Variants in PHACTR1 observed in about 807,000 individuals in gnomAD.
PHACTR1 encodes the protein phosphatase and actin regulator 1.
In PHACTR1, 16 loss-of-function variants were observed where a neutral mutation model predicts 69.2. The ratio of observed to expected loss-of-function variants is 0.23; its 90% confidence interval spans 0.16 to 0.35. The LOEUF (loss-of-function observed/expected upper bound fraction) is 0.35. Among genes scored for constraint, PHACTR1 ranks in the 10% least tolerant of loss-of-function variants. PHACTR1 has a pLI of 1.00. For missense variants in PHACTR1, 510 were observed against 734.7 expected, an observed-to-expected ratio of 0.69 and a Z score of 3.54; for synonymous variants, 312 against 284.5, an observed-to-expected ratio of 1.10 and a Z score of -0.97.
chr6:13,213,573 G>C (rs1048795674), intron 8 of PHACTR1, among the ~76,000 whole-genome samples: 3 of 152,160 alleles, frequency 2.0e-5, no homozygotes, highest in African/African-American at 4.8e-5. Context: ...CAAAATTCAG[G>C]AGTTGAAACT....
intron 4 of PHACTR1, chr6:12,933,803 C>T: frequency 5.0e-6 from 8 of 1,612,756 alleles, no homozygotes; most frequent in Non-Finnish European, 6.8e-6. Flanking sequence ...TACAGGTGGA[C>T]AATTCTCTAC....
At chr6:12,869,036 G>A (rs773350217) in intron 4 of PHACTR1, among the ~76,000 whole-genome samples, 1 of 151,990 alleles carries the variant, frequency 6.6e-6, no homozygotes, top group Non-Finnish European at 1.5e-5. Flanking sequence ...CACTAGCAAA[G>A]TTCAACATAC....
intron 4 of PHACTR1, among the ~76,000 whole-genome samples, chr6:12,792,353 A>G (rs1482020347): frequency 2.0e-5 from 3 of 149,412 alleles, no homozygotes; most frequent in Non-Finnish European, 4.4e-5. Flanking sequence ...AATCCCAGCT[A>G]CTTGGGAGGC....
At position 12,982,206 on chromosome 6, in the gene PHACTR1, T is replaced by C. The variant is rs980295763; in HGVS notation, c.251-71159T>C. Reference sequence around the variant, plus strand: ...CTCATGTGACTTCCCCCAAGTTAGCTGGCCCCTCCTGGCAGCTCTCTGCAG... The same window carrying C: ...CTCATGTGACTTCCCCCAAGTTAGCCGGCCCCTCCTGGCAGCTCTCTGCAG... On this transcript the variant is annotated intron_variant, in intron 4 of 14. Coordinates refer to ENST00000332995, the MANE Select transcript of PHACTR1 (RefSeq NM_030948.6). Among the ~76,000 whole-genome samples the C allele has an allele frequency of 5.9e-5, 9 of 152,204 alleles. No individual in the cohort carries two copies. The East Asian group carries it at 1.3e-3, about 23-fold the overall frequency.
chr6:13,060,080 A>G (rs142936140), intron 5 of PHACTR1, among the ~76,000 whole-genome samples: 5 of 152,318 alleles, frequency 3.3e-5, no homozygotes, highest in Admixed American at 3.3e-4. Flanking sequence ...GAGGAAAACC[A>G]GAAGCCTAAG....
At chr6:13,272,084 T>C (rs1218016212) in intron 10 of PHACTR1, 1 of 152,284 alleles carries the variant, frequency 6.6e-6, no homozygotes, top group African/African-American at 2.4e-5. Flanking sequence ...GATGTCTCTG[T>C]TCCTGCTCAG....
chr6:12,807,773 A>G (rs1581844428), intron 4 of PHACTR1, among the ~76,000 whole-genome samples: 2 of 152,188 alleles, frequency 1.3e-5, no homozygotes, highest in Admixed American at 1.3e-4. Flanking sequence ...TCTTCTCCCT[A>G]GATCTTGAGC....
At chr6:12,755,601 T>C (rs1339549328) in intron 4 of PHACTR1, among the ~76,000 whole-genome samples, 1 of 152,210 alleles carries the variant, frequency 6.6e-6, no homozygotes, top group Non-Finnish European at 1.5e-5. Flanking sequence ...CACATTTATA[T>C]ACAAAATATT....
intron 4 of PHACTR1, among the ~76,000 whole-genome samples, chr6:12,977,800 T>G (rs141279819): frequency 2.6e-5 from 4 of 152,356 alleles, no homozygotes; most frequent in African/African-American, 9.6e-5. Flanking sequence ...GTCCTGTTTC[T>G]CTCAGCTTCT....
intron 4 of PHACTR1, among the ~76,000 whole-genome samples, chr6:12,816,380 T>C (rs2127703559): frequency 6.6e-6 from 1 of 152,356 alleles, no homozygotes; most frequent in Middle Eastern, 3.4e-3. Flanking sequence ...CCTTAGTCTT[T>C]TAGTCTTATG....
In PHACTR1 at chr6:13,059,493, CAA is replaced by C. The variant is rs58078186; in HGVS notation, c.415+5967_415+5968del. On this transcript the variant is annotated intron_variant, in intron 5 of 14. Coordinates refer to ENST00000332995, the MANE Select transcript of PHACTR1 (RefSeq NM_030948.6). ...ACACACACACACACACACACACACA[CAA>C]AACCCACAGAGGAACACAAGGGAAC... Among the ~76,000 whole-genome samples the C allele has an allele frequency of 9.5e-3, 1,294 of 136,706 alleles. 24 individuals are homozygous for C. Among genetic ancestry groups the C allele is most frequent in the African/African-American group, 0.034 (1,234 of 36,462 alleles). The allele number at this position is 136,706 out of a possible 152,430, so 89.7% of individuals were successfully genotyped here. A position where few individuals can be genotyped will look rare whatever the true frequency, so the allele number is the denominator to read the frequency against.
chr6:13,258,530 TGCTGTA>T (rs1388383773), intron 10 of PHACTR1, among the ~76,000 whole-genome samples: 1 of 152,086 alleles, frequency 6.6e-6, no homozygotes, highest in African/African-American at 2.4e-5. Flanking sequence ...AGAGACAAAA[TGCTGTA>T]GCAAGAGGAC....
intron 4 of PHACTR1, among the ~76,000 whole-genome samples, chr6:12,947,356 T>C (rs77978247): frequency 7.0e-6 from 1 of 142,584 alleles, no homozygotes; most frequent in South Asian, 2.2e-4. Flanking sequence ...TTTTTTTTTT[T>C]CTGTGATGAC....
Position 12,999,263 on chromosome 6 carries a change from T to C in PHACTR1, c.251-54102T>C, listed in dbSNP as rs935031139. 1.6e-4 allele frequency among the ~76,000 whole-genome samples: 24 copies of C among 152,172 alleles called. 1 individual carries two copies. The highest frequency in any genetic ancestry group is 3.3e-4 in the Admixed American group (5 of 15,278). ...ATTGGAATACTAATGCAACAGGAAA[T>C]ATGAATGAACTAGGTTTACATGAAC... On this transcript the variant is annotated intron_variant, in intron 4 of 14. Coordinates refer to ENST00000332995, the MANE Select transcript of PHACTR1 (RefSeq NM_030948.6).
chr6:12,998,228 T>C (rs1582890461), intron 4 of PHACTR1, among the ~76,000 whole-genome samples: 1 of 152,118 alleles, frequency 6.6e-6, no homozygotes, highest in South Asian at 2.1e-4. Flanking sequence ...CCAGATGGAT[T>C]AACAACCTAA....
chr6:12,921,913 T>C (rs1787766704), intron 4 of PHACTR1, among the ~76,000 whole-genome samples: 1 of 151,792 alleles, frequency 6.6e-6, no homozygotes, highest in Admixed American at 6.6e-5. Context: ...TGTCTGGCTC[T>C]AGTGCCAGCA....
chr6:13,027,614 A>C (rs1033182181), intron 4 of PHACTR1, among the ~76,000 whole-genome samples: 3 of 152,168 alleles, frequency 2.0e-5, no homozygotes, highest in Non-Finnish European at 2.9e-5. Context: ...TGCCAACTTC[A>C]ATGAGATGTT....
chr6:13,171,009 G>A (rs567708088), intron 6 of PHACTR1, among the ~76,000 whole-genome samples: 21 of 152,214 alleles, frequency 1.4e-4, no homozygotes, highest in East Asian at 1.9e-4. Context: ...ACATAATCCC[G>A]TTTGGGCTTA....
chr6:12,762,951 C>T (rs142326088), intron 4 of PHACTR1, among the ~76,000 whole-genome samples: 103 of 152,242 alleles, frequency 6.8e-4, no homozygotes, highest in Non-Finnish European at 1.5e-3. Flanking sequence ...CGATGACTCA[C>T]GCCTGGAATC....
Sources: allele counts gnomAD v4.1 joint callset (sites outside exome capture counted in the v4.1 genomes callset), GRCh38; gene constraint gnomAD v4.1.1; transcripts MANE v1.5; gene names NCBI Gene and HGNC (gene_info 2026-07-23, HGNC 2026-07-21).